The following BIN3 variants were observed in gnomAD, a reference collection of about 807,000 sequenced individuals.
BIN3 encodes the protein bridging integrator 3.
A neutral mutation model predicts 38.2 loss-of-function variants in BIN3; 41 were observed. The observed-to-expected ratio is 1.07, with a 90% CI of 0.84 to 1.39. The LOEUF (loss-of-function observed/expected upper bound fraction) is 1.39, where lower values mean the gene tolerates loss of function less well. BIN3 is among the 40% of genes most tolerant of loss of function. The pLI is 0.00. For missense variants in BIN3, 361 were observed against 324.3 expected (o/e 1.11, Z -0.87); for synonymous variants, 145 against 122.6 (o/e 1.18, Z -1.21).
At chr8:22,662,020 C>A (rs540511609) in intron 1 of BIN3, among the ~76,000 whole-genome samples, 1 of 152,318 alleles carries the variant, frequency 6.6e-6, no homozygotes, top group Non-Finnish European at 1.5e-5. Flanking sequence ...GTCTTGAACT[C>A]CTGACCTCAA....
intron 6 of BIN3, 184 bp downstream of exon 6, chr8:22,629,780 C>A (rs546428377): frequency 3.1e-6 from 2 of 642,652 alleles, no homozygotes; most frequent in Non-Finnish European, 5.4e-6. Flanking sequence ...TGTGGGTACT[C>A]TGGAGCCCCC....
chr8:22,669,003 T>G (rs758392269), intron 1 of BIN3, 41 bp downstream of exon 1: 60 of 1,558,766 alleles, frequency 3.8e-5, no homozygotes, highest in Non-Finnish European at 4.9e-5. Context: ...GCCTCGCGGG[T>G]CCGCGGGTCC....
chr8:22,636,990 C>A (rs775914954), intron 2 of BIN3, 28 bp from the exon 3 acceptor site: 5 of 1,607,982 alleles, frequency 3.1e-6, no homozygotes, highest in Non-Finnish European at 4.3e-6. Context: ...ACTCAATTAT[C>A]GGAGAAATGA....
chr8:22,629,824 G>C, intron 6 of BIN3, 140 bp downstream of exon 6: 1 of 831,690 alleles, frequency 1.2e-6, no homozygotes, highest in East Asian at 2.7e-5. Context: ...AGGTCACAGA[G>C]CTGACGTCCC....
chr8:22,663,843 C>T (rs1221039575), intron 1 of BIN3, among the ~76,000 whole-genome samples: 2 of 152,172 alleles, frequency 1.3e-5, no homozygotes, highest in African/African-American at 2.4e-5. Context: ...CACGTATTTG[C>T]TAAGTCAAGG....
intron 1 of BIN3, among the ~76,000 whole-genome samples, chr8:22,654,231 T>C (rs979741185): frequency 4.6e-5 from 7 of 152,234 alleles, no homozygotes; most frequent in African/African-American, 1.7e-4. Flanking sequence ...CCCTGAACTA[T>C]GGATTTATGC....
At chr8:22,666,571 G>A (rs1803427005) in intron 1 of BIN3, among the ~76,000 whole-genome samples, 1 of 152,130 alleles carries the variant, frequency 6.6e-6, no homozygotes, top group Non-Finnish European at 1.5e-5. Context: ...ATGGGGAGTG[G>A]ATGGGTAGAT....
At chr8:22,643,676 A>G (rs1040761413) in intron 2 of BIN3, among the ~76,000 whole-genome samples, 1 of 152,222 alleles carries the variant, frequency 6.6e-6, no homozygotes, top group African/African-American at 2.4e-5. Flanking sequence ...AGATGGAGCC[A>G]TTGGTCAGAT....
In BIN3 at chr8:22,632,843, G is replaced by T. The variant is rs950193995; in HGVS notation, c.161-2265C>A. Among the ~76,000 whole-genome samples, 7 of 151,870 alleles carry T rather than the reference G, an allele frequency of 4.6e-5. No homozygotes were observed. In the South Asian group the frequency reaches 1.2e-3, roughly 27 times the overall value. Reference sequence around the variant, plus strand: ...CCTGCCTCAGCCTCTCAAGTAGCTGGGATTACAGGTGCCTGCCATCACACC... The same window carrying T: ...CCTGCCTCAGCCTCTCAAGTAGCTGTGATTACAGGTGCCTGCCATCACACC... On this transcript the variant is annotated intron_variant, in intron 4 of 8. Transcript: ENST00000276416.
chr8:22,649,854 CACA>C (rs1563973854), intron 1 of BIN3, among the ~76,000 whole-genome samples: 19 of 123,016 alleles, frequency 1.5e-4, no homozygotes, highest in Non-Finnish European at 2.6e-4. Context: ...CACACACACA[CACA>C]CCCCCAAAGG....
At chr8:22,629,052 T>C (rs1802096806) in intron 6 of BIN3, among the ~76,000 whole-genome samples, 1 of 152,230 alleles carries the variant, frequency 6.6e-6, no homozygotes, top group Non-Finnish European at 1.5e-5. Flanking sequence ...AAGAGCTTGC[T>C]AGGGTCAGGC....
In BIN3 at chr8:22,621,497, G is replaced by A. The variant is rs187678910; in HGVS notation, c.687C>T (p.Ser229=). The part of the protein sequence containing the change: ...LSHQLDQPGH[S]DEQRERENEA... ...CGTTCTCCCGCTCCCGCTGCTCATC[G>A]GAGTGGCCTGGCTGGTCAAGCTGAT... Residue 229 remains serine, a synonymous_variant, in exon 9 of 9, where the codon TCC becomes TCT. Transcript: ENST00000276416. 1.2e-4 allele frequency: 190 copies of A among 1,613,946 alleles called. No individual in the cohort carries two copies. Among genetic ancestry groups the A allele is most frequent in the East Asian group, 1.1e-3 (48 of 44,888 alleles).
At chr8:22,631,205 C>G (rs1802188726) in intron 4 of BIN3, among the ~76,000 whole-genome samples, 1 of 152,182 alleles carries the variant, frequency 6.6e-6, no homozygotes, top group Non-Finnish European at 1.5e-5. Flanking sequence ...CTGCCAACCC[C>G]TGGTTTCCTC....
At chr8:22,623,555 C>G (rs1326531590) in intron 8 of BIN3, among the ~76,000 whole-genome samples, 4 of 152,196 alleles carry the variant, frequency 2.6e-5, no homozygotes, top group African/African-American at 9.7e-5. Context: ...TTCTCCAGAT[C>G]CCTTTCTTCT....
Position 22,659,497 on chromosome 8 carries a change from A to G in BIN3, c.8+9547T>C, listed in dbSNP as rs536013920. Among the ~76,000 whole-genome samples the G allele has an allele frequency of 1.9e-3, 282 of 152,368 alleles. 1 individual carries two copies. Among genetic ancestry groups the G allele is most frequent in the African/African-American group, 6.3e-3 (264 of 41,586 alleles). ...AGGCTGACCTCTGAAAAGTAAAGAC[A>G]GAATGAAGCACACAACGTTAAGTCA... On this transcript the variant is annotated intron_variant, in intron 1 of 8. Coordinates refer to ENST00000276416, the MANE Select transcript of BIN3 (RefSeq NM_018688.6).
chr8:22,632,705 CTTTTTTTT>C (rs373810993), intron 4 of BIN3, among the ~76,000 whole-genome samples: 1 of 132,166 alleles, frequency 7.6e-6, no homozygotes, highest in African/African-American at 2.8e-5. Context: ...TTCCACTTTC[CTTTTTTTT>C]TTTTTTTTCA....
chr8:22,637,864 G>A (rs1047543606), intron 2 of BIN3, among the ~76,000 whole-genome samples: 1 of 152,220 alleles, frequency 6.6e-6, no homozygotes, highest in Non-Finnish European at 1.5e-5. Context: ...CATTCACAGA[G>A]CCCTCACTGT....
Position 22,644,915 on chromosome 8 carries a change from A to G in BIN3, c.9-112T>C. 8.8e-6 allele frequency: 8 copies of G among 908,574 alleles called. 1 individual carries two copies. In the South Asian group the frequency reaches 1.2e-4, roughly 13 times the overall value. 56.3% of individuals were successfully genotyped at this position (908,574 alleles called of 1,614,324 possible). ...CCCAGGAGGGCGAGGAAGCGTGGCCATGGCTTGCTACTTGGACCATGTGCC... is the reference window on the plus strand; with the variant it reads ...CCCAGGAGGGCGAGGAAGCGTGGCCGTGGCTTGCTACTTGGACCATGTGCC... On this transcript the variant is annotated intron_variant, in intron 1 of 8. Coordinates refer to ENST00000276416, the MANE Select transcript of BIN3 (RefSeq NM_018688.6).
At chr8:22,624,168 G>C in intron 7 of BIN3, 54 bp downstream of exon 7, 1 of 1,595,394 alleles carries the variant, frequency 6.3e-7, no homozygotes, top group South Asian at 1.1e-5. Context: ...ACTTACCACA[G>C]GTGACCACGA....
Sources: allele counts gnomAD v4.1 joint callset (sites outside exome capture counted in the v4.1 genomes callset), GRCh38; gene constraint gnomAD v4.1.1; transcripts MANE v1.5; gene names NCBI Gene and HGNC (gene_info 2026-07-23, HGNC 2026-07-21).